Variants in CIMAP1D observed in about 807,000 individuals in gnomAD.
The protein encoded by CIMAP1D is CIMAP1 family member D.
chr19:476,826 A>T, the CIMAP1D span, among the ~76,000 whole-genome samples: 1 of 152,256 alleles, frequency 6.6e-6, no homozygotes, highest in East Asian at 1.9e-4. Flanking sequence ...TTTCAAACTA[A>T]ATGACTATAA....
chr19:474,802 G>A, the CIMAP1D span: 1 of 1,364,070 alleles, frequency 7.3e-7, no homozygotes, highest in Non-Finnish European at 9.6e-7. Context: ...TACCTTCTGA[G>A]CCGCAGCAGC....
At chr19:491,132 C>T in the CIMAP1D span, among the ~76,000 whole-genome samples, 1 of 151,728 alleles carries the variant, frequency 6.6e-6, no homozygotes, top group Non-Finnish European at 1.5e-5. Flanking sequence ...CAAAACTTAC[C>T]TGAGCATGGT....
the CIMAP1D span, chr19:474,975 G>A: frequency 2.8e-4 from 115 of 409,812 alleles, no homozygotes; most frequent in East Asian, 4.0e-3. Flanking sequence ...AGTGGGGCCG[G>A]GATCGAGTGT....
chr19:464,699 G>T, the CIMAP1D span, among the ~76,000 whole-genome samples: 4 of 152,158 alleles, frequency 2.6e-5, no homozygotes, highest in African/African-American at 9.7e-5. Context: ...ACTGAGGTGG[G>T]ATGGTCTGCA....
At chr19:478,725 G>A in the CIMAP1D span, among the ~76,000 whole-genome samples, 1,288 of 152,404 alleles carry the variant, frequency 8.5e-3, 5 homozygotes, top group Admixed American at 0.011. Flanking sequence ...AGGCTGGACC[G>A]GATGAGAGGC....
At chr19:482,317 G>C in the CIMAP1D span, among the ~76,000 whole-genome samples, 1 of 152,118 alleles carries the variant, frequency 6.6e-6, no homozygotes, top group Non-Finnish European at 1.5e-5. Flanking sequence ...ACCTGTGGAC[G>C]CTGTGTCGGG....
At chr19:463,555 G>T in the CIMAP1D span, 1 of 487,998 alleles carries the variant, frequency 2.0e-6, no homozygotes, top group Non-Finnish European at 3.6e-6. Flanking sequence ...CCAGCTACTG[G>T]GGAGGGCCGG....
the CIMAP1D span, among the ~76,000 whole-genome samples, chr19:476,608 A>G: frequency 6.6e-6 from 1 of 152,258 alleles, no homozygotes; most frequent in Non-Finnish European, 1.5e-5. Flanking sequence ...TCAAAATGGT[A>G]TAGTCTACAT....
chr19:464,398 G>A, the CIMAP1D span: 3 of 1,298,992 alleles, frequency 2.3e-6, no homozygotes, highest in Non-Finnish European at 2.2e-6. Context: ...TGGCACTGAT[G>A]TCCTCACCTG....
chr19:465,151 G>A, the CIMAP1D span, among the ~76,000 whole-genome samples: 5 of 145,978 alleles, frequency 3.4e-5, no homozygotes, highest in South Asian at 4.5e-4. Flanking sequence ...GGATGGGTGG[G>A]TGGGTGGATG....
chr19:465,889 C>A, the CIMAP1D span, among the ~76,000 whole-genome samples: 3 of 88,472 alleles, frequency 3.4e-5, no homozygotes, highest in African/African-American at 9.9e-5. Context: ...GGTGGATGGG[C>A]GGGTGGATGG....
At chr19:481,150 G>C in the CIMAP1D span, among the ~76,000 whole-genome samples, 1 of 63,512 alleles carries the variant, frequency 1.6e-5, no homozygotes, top group Non-Finnish European at 3.1e-5. Flanking sequence ...AGGATGATGG[G>C]AAGGATGATG....
chr19:474,578 G>C, the CIMAP1D span: 1 of 1,452,862 alleles, frequency 6.9e-7, no homozygotes, highest in Non-Finnish European at 9.2e-7. Context: ...ATGGGGAGTG[G>C]AGCAGGAAAA....
At chr19:481,173 GA>G in the CIMAP1D span, among the ~76,000 whole-genome samples, 1 of 141,630 alleles carries the variant, frequency 7.1e-6, no homozygotes, top group Non-Finnish European at 1.5e-5. Context: ...AAGGATGATG[GA>G]GAAGGAATGT....
chr19:483,340 C>G, the CIMAP1D span, among the ~76,000 whole-genome samples: 4 of 151,474 alleles, frequency 2.6e-5, no homozygotes, highest in African/African-American at 9.7e-5. Flanking sequence ...CCAGAGCCAG[C>G]TCTTCAGACA....
the CIMAP1D span, among the ~76,000 whole-genome samples, chr19:476,460 G>A: frequency 6.6e-6 from 1 of 152,152 alleles, no homozygotes; most frequent in African/African-American, 2.4e-5. Context: ...AAAGTGCTGG[G>A]ATTACAAGCG....
At chr19:466,448 G>A in the CIMAP1D span, among the ~76,000 whole-genome samples, 1 of 148,616 alleles carries the variant, frequency 6.7e-6, no homozygotes, top group African/African-American at 2.5e-5. Context: ...TAGATGGCTG[G>A]ATGGGTGGGT....
chr19:470,717 G>A, the CIMAP1D span, among the ~76,000 whole-genome samples: 1 of 152,180 alleles, frequency 6.6e-6, no homozygotes, highest in Non-Finnish European at 1.5e-5. Context: ...AGACCCTTCC[G>A]ACCGCGCTCC....
At chr19:481,693 A>G in the CIMAP1D span, among the ~76,000 whole-genome samples, 1 of 152,118 alleles carries the variant, frequency 6.6e-6, no homozygotes, top group East Asian at 1.9e-4. Flanking sequence ...ACTCATCTTC[A>G]CCAAGCTCAT....
Sources: allele counts gnomAD v4.1 joint callset (sites outside exome capture counted in the v4.1 genomes callset), GRCh38; gene constraint gnomAD v4.1.1; transcripts MANE v1.5; gene names NCBI Gene and HGNC (gene_info 2026-07-23, HGNC 2026-07-21).